Variants in SV2C observed in about 807,000 individuals in gnomAD.
SV2C encodes synaptic vesicle glycoprotein 2C, also known as solute carrier family 22 member B3.
A neutral mutation model predicts 79.7 loss-of-function variants in SV2C; 49 were observed. That is an observed-to-expected ratio of 0.61 (90% CI 0.49 to 0.78). The LOEUF (loss-of-function observed/expected upper bound fraction) is 0.78. Among genes scored for constraint, SV2C ranks in the 30% least tolerant of loss-of-function variants. The pLI is 0.00. For missense variants in SV2C, 833 were observed against 912.9 expected, an observed-to-expected ratio of 0.91 and a Z score of 1.13; for synonymous variants, 334 against 333.2, an observed-to-expected ratio of 1.00 and a Z score of -0.03.
At chr5:75,998,339 G>GATA in the SV2C span, among the ~76,000 whole-genome samples, 1 of 122,570 alleles carries the variant, frequency 8.2e-6, no homozygotes, top group Non-Finnish European at 1.9e-5. Context: ...CTTAAAGTAT[G>GATA]ATAATAATAA....
chr5:75,984,567 A>ATCTCTATCTATCTATCTATCTATC, the SV2C span, among the ~76,000 whole-genome samples: 1 of 102,826 alleles, frequency 9.7e-6, no homozygotes, highest in African/African-American at 2.9e-5. Context: ...CTATCTATCT[A>ATCTCTATCTATCTATCTATCTATC]TATCTATCTA....
the SV2C span, among the ~76,000 whole-genome samples, chr5:75,927,656 A>C: frequency 6.6e-6 from 1 of 152,216 alleles, no homozygotes; most frequent in Non-Finnish European, 1.5e-5. Context: ...TGTTCTTACC[A>C]AACAAACAAT....
chr5:76,022,178 C>T, the SV2C span, among the ~76,000 whole-genome samples: 1 of 152,172 alleles, frequency 6.6e-6, no homozygotes, highest in Non-Finnish European at 1.5e-5. Context: ...TGTCATTTAG[C>T]ACACTGAAGG....
the SV2C span, chr5:75,921,460 C>T: frequency 1.3e-6 from 1 of 796,756 alleles, no homozygotes; most frequent in East Asian, 2.4e-5. Context: ...CCATCCTTGC[C>T]CATAAGGCAG....
chr5:76,323,922 T>C (rs1426488828), intron 12 of SV2C, among the ~76,000 whole-genome samples: 2 of 151,874 alleles, frequency 1.3e-5, no homozygotes, highest in African/African-American at 4.8e-5. Flanking sequence ...ACTTAGAGGA[T>C]GGGTCAATAG....
chr5:76,108,382 C>A (rs1002514152), intron 1 of SV2C, among the ~76,000 whole-genome samples: 1 of 151,910 alleles, frequency 6.6e-6, no homozygotes, highest in African/African-American at 2.4e-5. Flanking sequence ...ACACAAGAAA[C>A]GGAATGAGAT....
chr5:76,325,187 A>G (rs1748950372), intron 12 of SV2C, among the ~76,000 whole-genome samples, 177 bp from the exon 13 acceptor site: 1 of 152,232 alleles, frequency 6.6e-6, no homozygotes, highest in Non-Finnish European at 1.5e-5. Context: ...GGGCTGGAGG[A>G]ACAATACCAA....
intron 8 of SV2C, among the ~76,000 whole-genome samples, chr5:76,292,958 A>C (rs1747613349): frequency 6.6e-6 from 1 of 152,202 alleles, no homozygotes; most frequent in African/African-American, 2.4e-5. Context: ...TTATGTTGCA[A>C]GTTTCATCTC....
At chr5:75,974,583 T>C in the SV2C span, among the ~76,000 whole-genome samples, 1 of 151,744 alleles carries the variant, frequency 6.6e-6, no homozygotes, top group Non-Finnish European at 1.5e-5. Flanking sequence ...CTGATTGATT[T>C]GTAGTAATAT....
intron 4 of SV2C, chr5:76,242,058 G>A (rs1206027447): frequency 3.5e-5 from 51 of 1,460,496 alleles, no homozygotes; most frequent in Non-Finnish European, 4.2e-5. Context: ...AGCTTTCTGC[G>A]CCTGGTCTGT....
chr5:76,302,185 G>GACTAT (rs1281920825), intron 12 of SV2C, among the ~76,000 whole-genome samples: 4 of 152,204 alleles, frequency 2.6e-5, no homozygotes, highest in Admixed American at 2.0e-4. Context: ...ATTTTAAGTG[G>GACTAT]CTAACCAGTC....
chr5:76,106,773 C>G (rs886118724), intron 1 of SV2C, among the ~76,000 whole-genome samples: 10 of 152,202 alleles, frequency 6.6e-5, no homozygotes, highest in African/African-American at 2.2e-4. Flanking sequence ...ATCACACAAC[C>G]TATCCCCTCC....
chr5:76,256,271 G>A (rs2112448135), intron 4 of SV2C, among the ~76,000 whole-genome samples: 1 of 152,310 alleles, frequency 6.6e-6, no homozygotes, highest in Admixed American at 6.5e-5. Flanking sequence ...CAGACTCATT[G>A]AGTGAATGCG....
chr5:75,856,228 T>C, the SV2C span, among the ~76,000 whole-genome samples: 1 of 152,240 alleles, frequency 6.6e-6, no homozygotes, highest in Non-Finnish European at 1.5e-5. Context: ...AAATCTTAGC[T>C]AGTGTAAACA....
At chr5:76,171,608 TGGGG>T (rs1184285564) in intron 2 of SV2C, among the ~76,000 whole-genome samples, 1 of 104,880 alleles carries the variant, frequency 9.5e-6, no homozygotes. Flanking sequence ...AGGAGAGAGG[TGGGG>T]GGGGGGTCAG....
chr5:76,025,617 G>T, the SV2C span, among the ~76,000 whole-genome samples: 1 of 152,082 alleles, frequency 6.6e-6, no homozygotes, highest in East Asian at 1.9e-4. Flanking sequence ...TCTATGTATT[G>T]AGATATTGAG....
the SV2C span, chr5:75,911,409 ACCC>A: frequency 9.2e-7 from 1 of 1,088,560 alleles, no homozygotes; most frequent in South Asian, 1.4e-5. Context: ...GGACGTCAGC[ACCC>A]CCTAGTAGGC....
At chr5:76,095,952 C>A (rs1747542506) in intron 1 of SV2C, among the ~76,000 whole-genome samples, 1 of 152,092 alleles carries the variant, frequency 6.6e-6, no homozygotes, top group South Asian at 2.1e-4. Context: ...TAAATGAATT[C>A]TGATTTGAAT....
At chr5:75,955,897 C>T in the SV2C span, among the ~76,000 whole-genome samples, 1 of 152,128 alleles carries the variant, frequency 6.6e-6, no homozygotes, top group Non-Finnish European at 1.5e-5. Flanking sequence ...CAGGAAACAA[C>T]AGGTGTTGGA....
Sources: gnomAD v4.1 joint callset for allele counts (sites outside exome capture counted in the v4.1 genomes callset) on GRCh38, gnomAD v4.1.1 for gene constraint, MANE v1.5 for transcripts, NCBI Gene and HGNC (gene_info 2026-07-23, HGNC 2026-07-21) for gene names.